CES5A: variants seen among roughly 807,000 people sequenced by gnomAD.
The protein encoded by CES5A is carboxylesterase 5.
CES5A carries 67 observed loss-of-function variants against 62.9 expected under a neutral mutation model. That is an observed-to-expected ratio of 1.07 (90% CI 0.88 to 1.31). The LOEUF (loss-of-function observed/expected upper bound fraction) is 1.31. CES5A is among the 50% of genes most tolerant of loss of function. The probability of loss-of-function intolerance (pLI) is 0.00; values close to 1 mark genes in which losing one functional copy is unlikely to be tolerated. For synonymous variants in CES5A, 296 were observed against 280.8 expected (o/e 1.05, Z -0.54); for missense variants, 748 against 708.5 (o/e 1.06, Z -0.63).
At chr16:55,931,749 C>T (rs1432279789) in intron 2 of CES5A, among the ~76,000 whole-genome samples, 1 of 152,190 alleles carries the variant, frequency 6.6e-6, no homozygotes, top group Non-Finnish European at 1.5e-5. Context: ...GGGTTGCAAA[C>T]CCACTGCACC....
chr16:55,846,188 T>C lies in CES5A; in HGVS notation c.*263A>G. 1.9e-6 allele frequency: 1 copy of C among 513,060 alleles called. No individual in the cohort carries two copies. The highest frequency in any genetic ancestry group is 3.6e-5 in the Admixed American group (1 of 28,150). 31.8% of individuals were successfully genotyped at this position (513,060 alleles called of 1,614,324 possible). A position where few individuals can be genotyped will look rare whatever the true frequency, so the allele number is the denominator to read the frequency against. ...CATTCTGATTTTATTTCATATGAGT[T>C]ACAAAACCATTATTATGACAACTAA... is the stretch of plus-strand genomic sequence containing the variant. On this transcript the variant is annotated 3_prime_UTR_variant, in exon 13 of 13. Transcript: ENST00000290567.
chr16:55,920,670 G>A (rs1027460140), intron 1 of CES5A, among the ~76,000 whole-genome samples: 1 of 152,062 alleles, frequency 6.6e-6, no homozygotes, highest in East Asian at 1.9e-4. Flanking sequence ...AGCCAGCCAG[G>A]GAAGACAGAA....
intron 5 of CES5A, among the ~76,000 whole-genome samples, chr16:55,864,839 T>G (rs545945879): frequency 3.8e-4 from 55 of 143,602 alleles, no homozygotes; most frequent in African/African-American, 1.4e-3. Flanking sequence ...TGACCAGGAG[T>G]TTGGGCTGCA....
chr16:55,871,915 C>A, intron 2 of CES5A, 152 bp from the exon 3 acceptor site: 1 of 697,926 alleles, frequency 1.4e-6, no homozygotes. Flanking sequence ...ATGCCCAAAC[C>A]CCCATGGTTT....
chr16:55,923,268 C>A (rs1414005100), intron 1 of CES5A, among the ~76,000 whole-genome samples: 4 of 151,386 alleles, frequency 2.6e-5, no homozygotes, highest in African/African-American at 9.7e-5. Flanking sequence ...AATAACAGAT[C>A]TTTAGCTAAA....
chr16:55,917,629 C>A (rs1344065861), intron 1 of CES5A, among the ~76,000 whole-genome samples: 1 of 152,132 alleles, frequency 6.6e-6, no homozygotes, highest in Non-Finnish European at 1.5e-5. Context: ...TGCTTCAGGG[C>A]AAGGGAATGA....
chr16:55,879,311 GCATCACTGCATTC>G (rs1393131075), upstream of CES5A, among the ~76,000 whole-genome samples: 3 of 150,190 alleles, frequency 2.0e-5, no homozygotes, highest in Non-Finnish European at 3.0e-5. Context: ...CCACTGCACT[GCATCACTGCATTC>G]CATCACTGCA....
At chr16:55,914,449 G>A (rs1371176376) in intron 1 of CES5A, among the ~76,000 whole-genome samples, 4 of 152,150 alleles carry the variant, frequency 2.6e-5, no homozygotes, top group African/African-American at 2.4e-5. Context: ...TAGGTGGTGG[G>A]TGGGGGTAAC....
intron 1 of CES5A, among the ~76,000 whole-genome samples, chr16:55,911,294 T>C (rs2034089849): frequency 1.3e-5 from 2 of 152,156 alleles, no homozygotes; most frequent in South Asian, 4.1e-4. Context: ...GTGAGTGAAG[T>C]AGAAGCTGCC....
intron 9 of CES5A, among the ~76,000 whole-genome samples, chr16:55,854,906 G>C (rs1567324666): frequency 6.6e-6 from 1 of 152,104 alleles, no homozygotes; most frequent in African/African-American, 2.4e-5. Context: ...TGAAGTCTAT[G>C]TTCATTACAT....
intron 1 of CES5A, among the ~76,000 whole-genome samples, chr16:55,952,857 T>A (rs1286567559): frequency 6.6e-6 from 1 of 152,110 alleles, no homozygotes; most frequent in East Asian, 1.9e-4. Context: ...CATAATCCCA[T>A]GTGATATACT....
chr16:55,887,384 A>C (rs1326844233), intron 1 of CES5A, among the ~76,000 whole-genome samples: 1 of 142,858 alleles, frequency 7.0e-6, no homozygotes, highest in African/African-American at 2.7e-5. Context: ...ACCAGAGGCA[A>C]AAAAAAAAAA....
At chr16:55,888,699 C>A (rs1283677791) in intron 1 of CES5A, among the ~76,000 whole-genome samples, 1 of 152,194 alleles carries the variant, frequency 6.6e-6, no homozygotes, top group Non-Finnish European at 1.5e-5. Flanking sequence ...CTGTGCTAAG[C>A]ACTTTGCAAG....
intron 1 of CES5A, among the ~76,000 whole-genome samples, chr16:55,889,586 G>A (rs1424738941): frequency 2.0e-5 from 3 of 152,054 alleles, no homozygotes; most frequent in Non-Finnish European, 4.4e-5. Flanking sequence ...GCCCTCTCTG[G>A]TAGGCCACCT....
rs145466880 is a variant in CES5A, at chr16:55,923,405, T to C, written c.-256+1918A>G. ...GTATGAACAACTATACTCCAACAAATTGGAAAACCTAGAAGAAATGGATAA... is the reference window on the plus strand; with the variant it reads ...GTATGAACAACTATACTCCAACAAACTGGAAAACCTAGAAGAAATGGATAA... On this transcript the variant is annotated intron_variant, in intron 1 of 12. Coordinates refer to the CES5A transcript ENST00000518005. 3.0e-3 allele frequency among the ~76,000 whole-genome samples: 448 copies of C among 151,724 alleles called. 3 individuals carry two copies. The highest frequency in any genetic ancestry group is 0.01 in the African/African-American group (430 of 41,468).
At chr16:55,885,029 GC>G (rs1364564576) in intron 1 of CES5A, among the ~76,000 whole-genome samples, 4 of 152,094 alleles carry the variant, frequency 2.6e-5, no homozygotes, top group African/African-American at 9.7e-5. Flanking sequence ...CCCCAAGGCT[GC>G]CTTGATCTCA....
intron 9 of CES5A, among the ~76,000 whole-genome samples, chr16:55,854,544 C>CTTTTTTTTTTTTTTTTTTTTTCTT (rs56017491): frequency 1.6e-5 from 1 of 64,416 alleles, no homozygotes; most frequent in African/African-American, 7.0e-5. Context: ...TTTTTTTTTT[C>CTTTTTTTTTTTTTTTTTTTTTCTT]TTTTTTTTTT....
At position 55,875,168 on chromosome 16, in the gene CES5A, G is replaced by C; in HGVS notation, c.54C>G (p.Val18=). 1 of 1,614,076 alleles carries C rather than the reference G, an allele frequency of 6.2e-7. No individual in the cohort carries two copies. The highest frequency in any genetic ancestry group is 1.3e-5 in the African/African-American group (1 of 75,048). The change falls in exon 1 of 13, where the codon GTC becomes GTG. Residue 18 remains valine, a synonymous_variant. Transcript: ENST00000290567. ...TCTCACCTTTGGTGGGGGCTGCAAG[G>C]ACCCAGATAGCCCAAATTAGGATCT... ...PGQILIWAIW[V]LAAPTKGPSA...
chr16:55,847,412 C>T (rs1053494661), intron 11 of CES5A, among the ~76,000 whole-genome samples: 5 of 151,918 alleles, frequency 3.3e-5, no homozygotes, highest in African/African-American at 1.2e-4. Flanking sequence ...TGCCTCTCTC[C>T]TCCCACACAC....
Sources: allele counts gnomAD v4.1 joint callset (sites outside exome capture counted in the v4.1 genomes callset), GRCh38; gene constraint gnomAD v4.1.1; transcripts MANE v1.5; gene names NCBI Gene and HGNC (gene_info 2026-07-23, HGNC 2026-07-21).